The following FAM120A variants were observed in gnomAD, a reference collection of about 807,000 sequenced individuals.
FAM120A encodes the protein family with sequence similarity 120 member A.
FAM120A carries 15 observed loss-of-function variants against 109.7 expected under a neutral mutation model. The observed-to-expected ratio is 0.14, with a 90% CI of 0.09 to 0.21. FAM120A has a LOEUF of 0.21. Ranked by LOEUF, FAM120A falls within the 10% of genes least tolerant of loss-of-function variation. The pLI is 1.00. For missense variants in FAM120A, 899 were observed against 1,439.3 expected (o/e 0.62, Z 6.07); for synonymous variants, 493 against 572.8 (o/e 0.86, Z 1.99).
At chr9:93,541,461 A>G (rs1861698224) in intron 10 of FAM120A, among the ~76,000 whole-genome samples, 1 of 152,190 alleles carries the variant, frequency 6.6e-6, no homozygotes, top group Non-Finnish European at 1.5e-5. Flanking sequence ...TGTGCGTCCA[A>G]CGACAGGATA....
intron 9 of FAM120A, among the ~76,000 whole-genome samples, chr9:93,531,817 C>T (rs963937991): frequency 2.6e-5 from 4 of 152,194 alleles, no homozygotes; most frequent in Non-Finnish European, 5.9e-5. Context: ...ATAAAAGTTG[C>T]GAGTTCTCAG....
intron 1 of FAM120A, among the ~76,000 whole-genome samples, chr9:93,457,513 T>C (rs1358901908): frequency 1.3e-5 from 2 of 152,160 alleles, no homozygotes; most frequent in Non-Finnish European, 2.9e-5. Context: ...CTAAATAGTA[T>C]TCCATAATTT....
chr9:93,486,522 T>C (rs992768301), intron 3 of FAM120A, among the ~76,000 whole-genome samples: 3 of 151,832 alleles, frequency 2.0e-5, no homozygotes, highest in African/African-American at 7.3e-5. Context: ...TCTTTCTTTT[T>C]CTTTTCTTTT....
intron 1 of FAM120A, among the ~76,000 whole-genome samples, chr9:93,458,148 C>A (rs1208832655): frequency 6.6e-6 from 1 of 151,492 alleles, no homozygotes; most frequent in Non-Finnish European, 1.5e-5. Context: ...ACTGACTCTT[C>A]ACCTCTCTCA....
chr9:93,491,402 C>T (rs145190265), intron 3 of FAM120A, among the ~76,000 whole-genome samples: 107 of 152,294 alleles, frequency 7.0e-4, no homozygotes, highest in African/African-American at 2.4e-3. Context: ...TCAGCTATAT[C>T]CGTCTGTCAG....
chr9:93,471,673 A>G (rs891641439), intron 2 of FAM120A, among the ~76,000 whole-genome samples: 3 of 152,248 alleles, frequency 2.0e-5, no homozygotes, highest in Admixed American at 1.3e-4. Flanking sequence ...AACATTCTAA[A>G]TCACAGATGT....
rs776647397 is a variant in FAM120A, at chr9:93,556,556, G to A, written c.2449G>A (p.Glu817Lys). The A allele has an allele frequency of 1.2e-6, 2 of 1,614,180 alleles. No homozygotes were observed. Among genetic ancestry groups the A allele is most frequent in the East Asian group, 2.2e-5 (1 of 44,892 alleles). ...ATCCAAACTCCTCAAAGCCAGCCGGGAAAAGACCCCACTCATTGACCTCTG... is the reference window on the plus strand; with the variant it reads ...ATCCAAACTCCTCAAAGCCAGCCGGAAAAAGACCCCACTCATTGACCTCTG... The part of the protein sequence containing the change: ...FQSKLLKASR[E>K]KTPLIDLCDG... The change falls in exon 13 of 18, where the codon GAA becomes AAA. Residue 817 changes from glutamate to lysine, a missense_variant. Glu to Lys is a moderately conservative substitution (Grantham distance 56). Transcript: ENST00000277165.
intron 5 of FAM120A, among the ~76,000 whole-genome samples, chr9:93,508,859 C>T (rs1389518814): frequency 6.6e-6 from 1 of 152,198 alleles, no homozygotes; most frequent in Non-Finnish European, 1.5e-5. Context: ...TTTGAAAATA[C>T]ACACGATCTC....
chr9:93,528,965 G>A (rs1419111348), intron 8 of FAM120A, among the ~76,000 whole-genome samples: 6 of 152,030 alleles, frequency 3.9e-5, no homozygotes. Context: ...GCAAAGTCTC[G>A]AGAAAACAGA....
intron 10 of FAM120A, among the ~76,000 whole-genome samples, chr9:93,533,950 G>T (rs1861426214): frequency 6.6e-6 from 1 of 152,262 alleles, no homozygotes; most frequent in African/African-American, 2.4e-5. Flanking sequence ...AATAGGAACA[G>T]GCTTTGTGGC....
intron 1 of FAM120A, among the ~76,000 whole-genome samples, chr9:93,457,486 C>T (rs897198671): frequency 4.6e-5 from 7 of 152,092 alleles, no homozygotes; most frequent in Admixed American, 1.3e-4. Context: ...ACTTAGAGCT[C>T]TAAGTCTTTT....
At chr9:93,464,008 T>C (rs1467675374) in intron 1 of FAM120A, among the ~76,000 whole-genome samples, 1 of 152,218 alleles carries the variant, frequency 6.6e-6, no homozygotes, top group African/African-American at 2.4e-5. Flanking sequence ...AGGAATACTA[T>C]TATTCTTACA....
intron 5 of FAM120A, among the ~76,000 whole-genome samples, chr9:93,511,916 C>T (rs559698002): frequency 7.9e-5 from 12 of 152,278 alleles, no homozygotes; most frequent in African/African-American, 2.4e-4. Context: ...CTCTGCCTCC[C>T]GAGTAGCTGG....
At position 93,512,040 on chromosome 9, in the gene FAM120A, C is replaced by T. The variant is rs113658938; in HGVS notation, c.1031-3627C>T. 3.9e-5 allele frequency among the ~76,000 whole-genome samples: 6 copies of T among 152,346 alleles called. No individual in the cohort carries two copies. The South Asian group carries it at 6.2e-4, about 16-fold the overall frequency. On this transcript the variant is annotated intron_variant, in intron 5 of 17. Coordinates refer to ENST00000277165, the MANE Select transcript of FAM120A (RefSeq NM_014612.5). ...CTCCTGACCTCAAGTGATTCGCCTG[C>T]CTTGGCCTCCCAAAGTGGTGGGATT...
In FAM120A at chr9:93,451,877, C is replaced by G. The variant is rs1197889575; in HGVS notation, c.-39C>G. ...GGCCCCACCACCCCCGGCCCCGCCG[C>G]CCCCCGCCCGCACCCGCGCCCGCGC... On this transcript the variant is annotated 5_prime_UTR_variant, in exon 1 of 18. Transcript: ENST00000277165. The G allele has an allele frequency of 1.6e-5, 19 of 1,178,368 alleles. No individual in the cohort carries two copies. In the South Asian group the frequency reaches 5.8e-4, roughly 36 times the overall value. 73.0% of individuals were successfully genotyped at this position (1,178,368 alleles called of 1,614,324 possible).
intron 10 of FAM120A, among the ~76,000 whole-genome samples, chr9:93,540,331 C>G (rs1056497363): frequency 1.3e-5 from 2 of 152,218 alleles, no homozygotes; most frequent in South Asian, 4.1e-4. Context: ...CTGGAGCAAG[C>G]CTTTGTGTCA....
intron 3 of FAM120A, among the ~76,000 whole-genome samples, chr9:93,485,305 G>A (rs1464471318): frequency 6.6e-6 from 1 of 152,106 alleles, no homozygotes; most frequent in East Asian, 1.9e-4. Flanking sequence ...GTCAGAAACA[G>A]AGGGCTTGTG....
chr9:93,467,101 A>G (rs917608801), intron 1 of FAM120A, among the ~76,000 whole-genome samples: 2 of 152,126 alleles, frequency 1.3e-5, no homozygotes, highest in African/African-American at 2.4e-5. Context: ...TTTCATTTGC[A>G]TACATTAAAG....
rs373899557 is a variant in FAM120A, at chr9:93,527,148, T to C, written c.1419-7T>C. 272 of 1,613,346 alleles carry C rather than the reference T, an allele frequency of 1.7e-4. No homozygotes were observed. The highest frequency in any genetic ancestry group is 2.2e-4 in the Non-Finnish European group (265 of 1,179,398). Reference sequence around the variant, plus strand: ...TTGGACAGTAATCATGTTCATTTTATGTTTAGCCATATCAGCGGGAACAAG... The same window carrying C: ...TTGGACAGTAATCATGTTCATTTTACGTTTAGCCATATCAGCGGGAACAAG... On this transcript the variant is annotated splice_region_variant and splice_polypyrimidine_tract_variant and intron_variant, in intron 7 of 17. Coordinates refer to ENST00000277165, the MANE Select transcript of FAM120A (RefSeq NM_014612.5).
Sources: allele counts gnomAD v4.1 joint callset (sites outside exome capture counted in the v4.1 genomes callset), GRCh38; gene constraint gnomAD v4.1.1; transcripts MANE v1.5; gene names NCBI Gene and HGNC (gene_info 2026-07-23, HGNC 2026-07-21).